ATPAF1: variants seen among roughly 807,000 people sequenced by gnomAD.
ATPAF1 encodes the protein homolog of yeast ATP11.
In ATPAF1, 26 loss-of-function variants were observed where a neutral mutation model predicts 43.9. That is an observed-to-expected ratio of 0.59 (90% CI 0.43 to 0.82). The LOEUF is 0.82. Among genes scored for constraint, ATPAF1 ranks in the 40% least tolerant of loss-of-function variants. ATPAF1 has a pLI of 0.00. For synonymous variants in ATPAF1, 157 were observed against 168.0 expected (o/e 0.93, Z 0.50); for missense variants, 366 against 435.0 (o/e 0.84, Z 1.41).
intron 6 of ATPAF1, 156 bp downstream of exon 6, chr1:46,652,425 A>G (rs2148821012): frequency 1.5e-6 from 1 of 651,424 alleles, no homozygotes. Flanking sequence ...TAAACAGAGC[A>G]CTATAACTTA....
At chr1:46,654,008 C>T (rs562025604) in intron 4 of ATPAF1, 141 bp from the exon 5 acceptor site, 209 of 625,764 alleles carry the variant, frequency 3.3e-4, no homozygotes, top group Non-Finnish European at 5.0e-4. Flanking sequence ...GCTTTCATTA[C>T]TAGCACATCA....
chr1:46,643,517 G>A (rs1569598966), intron 7 of ATPAF1, among the ~76,000 whole-genome samples: 1 of 152,210 alleles, frequency 6.6e-6, no homozygotes, highest in Admixed American at 6.5e-5. Context: ...AACTGGAAAA[G>A]GTTTGGCTTT....
At chr1:46,656,124 T>A (rs114150426) in intron 4 of ATPAF1, among the ~76,000 whole-genome samples, 1,984 of 152,232 alleles carry the variant, frequency 0.013, 39 homozygotes, top group African/African-American at 0.046. Flanking sequence ...GAAGGGACAC[T>A]TGGAACTGTA....
chr1:46,648,846 G>A (rs916181869), intron 6 of ATPAF1, among the ~76,000 whole-genome samples: 3 of 151,992 alleles, frequency 2.0e-5, no homozygotes, highest in Admixed American at 2.0e-4. Flanking sequence ...GGGTGTGGTG[G>A]TGGGCTCATG....
intron 6 of ATPAF1, among the ~76,000 whole-genome samples, chr1:46,649,220 T>G (rs1676117939): frequency 6.6e-6 from 1 of 151,862 alleles, no homozygotes; most frequent in African/African-American, 2.4e-5. Context: ...TTGTATACAC[T>G]GTGAGGTAAA....
Position 46,650,876 on chromosome 1 carries a change from T to C in ATPAF1, c.588+1705A>G, listed in dbSNP as rs971317068. 6.1e-4 allele frequency among the ~76,000 whole-genome samples: 93 copies of C among 151,494 alleles called. 1 individual carries two copies. Among genetic ancestry groups the C allele is most frequent in the Non-Finnish European group, 2.1e-4 (14 of 67,926 alleles). ...GGAGAGTGGTTACTAGAGGAACGAA[T>C]AGCCAAAGTTTGGTTAAGGGATACA... On this transcript the variant is annotated intron_variant, in intron 6 of 8. Coordinates refer to ENST00000574428, the Ensembl canonical transcript of ATPAF1.
At chr1:46,648,251 A>C (rs1332289831) in intron 6 of ATPAF1, among the ~76,000 whole-genome samples, 1 of 152,142 alleles carries the variant, frequency 6.6e-6, no homozygotes, top group East Asian at 1.9e-4. Flanking sequence ...AGCTGAGATT[A>C]CAGGCACACA....
At chr1:46,633,658 T>A (rs958707484), downstream of ATPAF1, 4 of 442,166 alleles carry the variant, frequency 9.0e-6, no homozygotes, top group Non-Finnish European at 1.8e-5. Context: ...ACTTTAGTCA[T>A]GCCCCACACA....
chr1:46,652,519 G>A (rs1181522171), intron 6 of ATPAF1, 62 bp downstream of exon 6: 1 of 1,518,278 alleles, frequency 6.6e-7, no homozygotes, highest in East Asian at 2.3e-5. Flanking sequence ...GACGTGATGG[G>A]CTGGAAAATA....
intron 7 of ATPAF1, among the ~76,000 whole-genome samples, chr1:46,643,803 G>A (rs979720167): frequency 6.6e-6 from 1 of 152,154 alleles, no homozygotes; most frequent in Non-Finnish European, 1.5e-5. Flanking sequence ...GGGTTGGTGG[G>A]GGGTGAAGGG....
At position 46,665,338 on chromosome 1, in the gene ATPAF1, C is replaced by A. The variant is rs755248993; in HGVS notation, c.293G>T (p.Arg98Leu). Reference sequence around the variant, plus strand: ...CCGAAATTCACTGCGTTTCTCCAGGCGGGACTCAAAAGCAGCTGGGTCTGA... The same window carrying A: ...CCGAAATTCACTGCGTTTCTCCAGGAGGGACTCAAAAGCAGCTGGGTCTGA... Residue 98 changes from arginine to leucine, a missense_variant, in exon 2 of 9, where the codon CGC (arginine) becomes CTC (leucine). By Grantham distance (102) the Arg-to-Leu change is moderately radical (BLOSUM62 -2). Transcript: ENST00000574428. 7 of 1,614,230 alleles carry A rather than the reference C, an allele frequency of 4.3e-6. No homozygotes were observed. The South Asian group carries it at 4.4e-5, about 10-fold the overall frequency.
Position 46,653,331 on chromosome 1 carries a change from A to C in ATPAF1, c.540+486T>G, listed in dbSNP as rs1363832975. On this transcript the variant is annotated intron_variant, in intron 5 of 8. Coordinates refer to ENST00000574428, the Ensembl canonical transcript of ATPAF1. The surrounding 1 kb of genome is among the most constrained non-coding windows in gnomAD (Gnocchi z 4.8). ...AATGGTCAAGCAGTAGATGGTGACC[A>C]TCTCTAAGAATAATTTCAAGAAGGG... is the stretch of plus-strand genomic sequence containing the variant. Among the ~76,000 whole-genome samples the C allele has an allele frequency of 1.3e-5, 2 of 152,106 alleles. No homozygotes were observed. Among genetic ancestry groups the C allele is most frequent in the African/African-American group, 2.4e-5 (1 of 41,424 alleles).
rs1676224068 is a variant in ATPAF1, at chr1:46,654,338, A to T, written c.490-471T>A. Among the ~76,000 whole-genome samples, 16 of 152,242 alleles carry T rather than the reference A, an allele frequency of 1.1e-4. No homozygotes were observed. The South Asian group carries it at 3.3e-3, about 32-fold the overall frequency. On this transcript the variant is annotated intron_variant, in intron 4 of 8. Transcript: ENST00000574428. ...AATTACTGAAAACTCCCTAAAAAAC[A>T]TCAATAAAATAGCAATAATAACCTC...
chr1:46,651,207 T>A (rs970725700), intron 6 of ATPAF1, among the ~76,000 whole-genome samples: 6 of 151,758 alleles, frequency 4.0e-5, no homozygotes, highest in African/African-American at 1.5e-4. Context: ...TGTCCATGTG[T>A]TCTCATTGTT....
At chr1:46,658,158 A>C in exon 4 of ATPAF1, 1 of 1,611,804 alleles carries the variant, frequency 6.2e-7, no homozygotes, top group African/African-American at 1.3e-5. Context: ...TTTTTCTTTT[A>C]CCATCTCAAT....
At chr1:46,648,733 T>G (rs1281202226) in intron 6 of ATPAF1, among the ~76,000 whole-genome samples, 1 of 152,090 alleles carries the variant, frequency 6.6e-6, no homozygotes, top group Non-Finnish European at 1.5e-5. Flanking sequence ...ATCTTAGCAC[T>G]TTGGGAGGCT....
intron 4 of ATPAF1, among the ~76,000 whole-genome samples, chr1:46,657,261 G>A (rs604233): frequency 0.14 from 21,321 of 152,112 alleles, 3,828 homozygotes; most frequent in African/African-American, 0.4. Context: ...TCTACCTAAT[G>A]TATAATTCAT....
intron 7 of ATPAF1, among the ~76,000 whole-genome samples, chr1:46,644,227 C>A (rs1675997865): frequency 6.6e-6 from 1 of 152,196 alleles, no homozygotes; most frequent in Non-Finnish European, 1.5e-5. Flanking sequence ...CAGTTCCTAA[C>A]ACAATCCCAT....
chr1:46,638,265 T>C (rs1434868734), intron 8 of ATPAF1, among the ~76,000 whole-genome samples: 2 of 152,198 alleles, frequency 1.3e-5, no homozygotes, highest in Admixed American at 6.5e-5. Flanking sequence ...TTAGCTGTCA[T>C]ATCCTGGGGT....
Sources: gnomAD v4.1 joint callset for allele counts (sites outside exome capture counted in the v4.1 genomes callset) on GRCh38, gnomAD v4.1.1 for gene constraint, Gnocchi (gnomAD v3.1) non-coding constraint, MANE v1.5 for transcripts, NCBI Gene and HGNC (gene_info 2026-07-23, HGNC 2026-07-21) for gene names.